CUBN: variants seen among roughly 807,000 people sequenced by gnomAD.
CUBN encodes 460 kDa receptor.
CUBN carries 282 observed loss-of-function variants against 405.3 expected under a neutral mutation model. The ratio of observed to expected loss-of-function variants is 0.70; its 90% CI spans 0.63 to 0.77. The LOEUF (loss-of-function observed/expected upper bound fraction) is 0.77, where lower values mean the gene tolerates loss of function less well. Among genes scored for constraint, CUBN ranks in the 30% least tolerant of loss-of-function variants. The probability of loss-of-function intolerance (pLI) is 0.00; values close to 1 mark genes in which losing one functional copy is unlikely to be tolerated. For missense variants in CUBN, 4,514 were observed against 4,475.2 expected, an observed-to-expected ratio of 1.01 and a Z score of -0.25; for synonymous variants, 1,684 against 1,617.0, an observed-to-expected ratio of 1.04 and a Z score of -0.99.
At chr10:17,064,891 T>C (rs1442218573) in intron 22 of CUBN, among the ~76,000 whole-genome samples, 1 of 152,230 alleles carries the variant, frequency 6.6e-6, no homozygotes, top group Non-Finnish European at 1.5e-5. Context: ...AATTGAGAAA[T>C]GCATATTTTG....
At chr10:16,916,627 T>G (rs1353352708) in intron 45 of CUBN, among the ~76,000 whole-genome samples, 1 of 152,160 alleles carries the variant, frequency 6.6e-6, no homozygotes, top group Non-Finnish European at 1.5e-5. Flanking sequence ...AGTTAAACAT[T>G]GTTACCACTA....
At chr10:17,071,288 T>G (rs1185147337) in intron 19 of CUBN, 138 bp downstream of exon 19, 19 of 876,104 alleles carry the variant, frequency 2.2e-5, no homozygotes, top group Non-Finnish European at 3.4e-5. Flanking sequence ...TTGCTGAGGA[T>G]TTTTACATAT....
intron 15 of CUBN, among the ~76,000 whole-genome samples, chr10:17,087,477 T>TA (rs1564510392): frequency 0.011 from 1,038 of 96,844 alleles, 22 homozygotes; most frequent in African/African-American, 0.035. Context: ...TTTTTCTTTT[T>TA]TTTTTTTTTT....
chr10:16,845,081 C>A (rs968378594), intron 60 of CUBN, among the ~76,000 whole-genome samples: 3 of 152,148 alleles, frequency 2.0e-5, no homozygotes, highest in African/African-American at 7.2e-5. Context: ...AGGCATTGTA[C>A]AAATAACTTA....
rs1837269003 is a variant in CUBN, at chr10:17,129,362, GATC to G, written c.123-115_123-113del. The G allele has an allele frequency of 3.1e-6, 4 of 1,282,698 alleles. No individual in the cohort carries two copies. The East Asian group carries it at 7.1e-5, about 23-fold the overall frequency. The allele number at this position is 1,282,698 out of a possible 1,614,324, so 79.5% of individuals were successfully genotyped here. A position where few individuals can be genotyped will look rare whatever the true frequency, so the allele number is the denominator to read the frequency against. Reference sequence around the variant, plus strand: ...CAGGCCAAATACATCTTCACTTTTTGATCATCTCAACCCAACTGCCCCTGCTCA... The same window carrying G: ...CAGGCCAAATACATCTTCACTTTTTGATCTCAACCCAACTGCCCCTGCTCA... On this transcript the variant is annotated intron_variant, in intron 1 of 66. Transcript: ENST00000377833.
intron 14 of CUBN, among the ~76,000 whole-genome samples, chr10:17,095,688 C>G (rs747239275): frequency 2.6e-5 from 4 of 151,960 alleles, no homozygotes; most frequent in Admixed American, 6.6e-5. Flanking sequence ...ATGGAGGTTC[C>G]TCAAAAAATT....
chr10:17,000,082 G>T (rs958448375), intron 28 of CUBN, among the ~76,000 whole-genome samples: 1 of 152,230 alleles, frequency 6.6e-6, no homozygotes, highest in Non-Finnish European at 1.5e-5. Context: ...GCCAGCCTGG[G>T]TCCTTAGCTT....
intron 56 of CUBN, among the ~76,000 whole-genome samples, chr10:16,879,786 C>T (rs1467932612): frequency 1.3e-5 from 2 of 152,142 alleles, no homozygotes; most frequent in Non-Finnish European, 2.9e-5. Flanking sequence ...CAATTTCCAT[C>T]GTATAAATAC....
chr10:17,100,680 G>C (rs960676901), intron 13 of CUBN, among the ~76,000 whole-genome samples: 1 of 152,164 alleles, frequency 6.6e-6, no homozygotes, highest in Non-Finnish European at 1.5e-5. Context: ...CAAACACACA[G>C]ACGTTCATCA....
At chr10:16,837,846 GACAAAC>G (rs1454597896) in intron 62 of CUBN, among the ~76,000 whole-genome samples, 2 of 152,152 alleles carry the variant, frequency 1.3e-5, no homozygotes, top group Non-Finnish European at 2.9e-5. Context: ...ATTCAGTCAT[GACAAAC>G]ACTGGGTCTT....
chr10:16,886,780 G>A (rs1472911935), intron 56 of CUBN, among the ~76,000 whole-genome samples: 1 of 152,104 alleles, frequency 6.6e-6, no homozygotes, highest in African/African-American at 2.4e-5. Context: ...CTAAAAGCAG[G>A]GCACATATAT....
intron 10 of CUBN, 33 bp downstream of exon 10, chr10:17,109,607 T>A (rs569563092): frequency 6.5e-7 from 1 of 1,540,804 alleles, no homozygotes; most frequent in African/African-American, 1.4e-5. Flanking sequence ...CATATTACAA[T>A]ACCCAAAGCC....
intron 31 of CUBN, among the ~76,000 whole-genome samples, chr10:16,976,645 T>C (rs768740288): frequency 6.6e-6 from 1 of 152,188 alleles, no homozygotes; most frequent in Non-Finnish European, 1.5e-5. Flanking sequence ...TTCTGTTCCA[T>C]ATATCTCTCT....
chr10:16,840,189 A>G (rs1440921839), intron 62 of CUBN, 141 bp downstream of exon 62: 4 of 709,778 alleles, frequency 5.6e-6, no homozygotes, highest in Middle Eastern at 7.6e-4. Context: ...AAACTTGCAC[A>G]TTGTGCGCAT....
At chr10:16,960,770 G>A (rs796958266) in intron 31 of CUBN, among the ~76,000 whole-genome samples, 22 of 152,226 alleles carry the variant, frequency 1.4e-4, no homozygotes, top group African/African-American at 4.8e-4. Flanking sequence ...TTAGTCACAG[G>A]GGGACGGAGG....
intron 12 of CUBN, among the ~76,000 whole-genome samples, 177 bp downstream of exon 12, chr10:17,104,242 A>T (rs1241458112): frequency 1.3e-5 from 2 of 152,222 alleles, no homozygotes. Context: ...TTACAGTGAG[A>T]TTTATAAATA....
At chr10:17,051,406 AG>A (rs1255632443) in intron 22 of CUBN, among the ~76,000 whole-genome samples, 2 of 152,130 alleles carry the variant, frequency 1.3e-5, no homozygotes, top group East Asian at 3.9e-4. Context: ...AATCAAGAAA[AG>A]AAATGTCATC....
At chr10:16,883,377 G>A (rs1472374492) in intron 56 of CUBN, among the ~76,000 whole-genome samples, 1 of 152,146 alleles carries the variant, frequency 6.6e-6, no homozygotes, top group Admixed American at 6.5e-5. Flanking sequence ...TCTGCCAGTT[G>A]AATAAAATAT....
chr10:17,002,916 C>T (rs913716174), intron 28 of CUBN, among the ~76,000 whole-genome samples: 3 of 152,158 alleles, frequency 2.0e-5, no homozygotes, highest in Non-Finnish European at 4.4e-5. Context: ...CTCAGTATCA[C>T]GATGCAGAAA....
Sources: allele counts gnomAD v4.1 joint callset (sites outside exome capture counted in the v4.1 genomes callset), GRCh38; gene constraint gnomAD v4.1.1; transcripts MANE v1.5; gene names NCBI Gene and HGNC (gene_info 2026-07-23, HGNC 2026-07-21).